The following ZFPM2 variants were observed in gnomAD, a reference collection of about 807,000 sequenced individuals.
ZFPM2 encodes the protein zinc finger protein ZFPM2.
ZFPM2 carries 20 observed loss-of-function variants against 98.6 expected under a neutral mutation model. The ratio of observed to expected loss-of-function variants is 0.20; its 90% CI spans 0.14 to 0.29. The LOEUF (loss-of-function observed/expected upper bound fraction) is 0.29, where lower values mean the gene tolerates loss of function less well. ZFPM2 is among the 10% of genes least tolerant of loss of function. The probability of loss-of-function intolerance (pLI) is 1.00; values close to 1 mark genes in which losing one functional copy is unlikely to be tolerated. For synonymous variants in ZFPM2, 518 were observed against 502.7 expected, an observed-to-expected ratio of 1.03 and a Z score of -0.41; for missense variants, 1,310 against 1,388.6, an observed-to-expected ratio of 0.94 and a Z score of 0.90.
intron 4 of ZFPM2, among the ~76,000 whole-genome samples, chr8:105,574,131 C>T (rs1005134416): frequency 3.9e-5 from 6 of 152,178 alleles, no homozygotes; most frequent in African/African-American, 1.4e-4. Flanking sequence ...CCTAAACATA[C>T]TTTAAAAAGC....
intron 5 of ZFPM2, among the ~76,000 whole-genome samples, chr8:105,730,497 A>T (rs1297714973): frequency 6.6e-6 from 1 of 151,634 alleles, no homozygotes; most frequent in African/African-American, 2.4e-5. Flanking sequence ...TACATGCACA[A>T]AGTTGTTTAC....
At chr8:105,688,243 C>G (rs757726951) in intron 5 of ZFPM2, among the ~76,000 whole-genome samples, 6 of 151,976 alleles carry the variant, frequency 3.9e-5, no homozygotes, top group Admixed American at 6.6e-5. Context: ...CTCAGGAGTT[C>G]TGATGATCTG....
chr8:105,320,066 A>G (rs1811992003), intron 1 of ZFPM2, among the ~76,000 whole-genome samples: 1 of 152,184 alleles, frequency 6.6e-6, no homozygotes, highest in Admixed American at 6.5e-5. Context: ...TTTTAAACAA[A>G]TTATGATGTA....
chr8:105,799,853 C>A (rs188075420), intron 7 of ZFPM2, among the ~76,000 whole-genome samples: 64 of 152,226 alleles, frequency 4.2e-4, no homozygotes, highest in Admixed American at 4.2e-3. Context: ...AAAATGGAAA[C>A]ACATGTTGAG....
chr8:105,659,934 C>T (rs1186557548), intron 5 of ZFPM2, among the ~76,000 whole-genome samples: 1 of 152,054 alleles, frequency 6.6e-6, no homozygotes, highest in African/African-American at 2.4e-5. Flanking sequence ...GTTAAGTAAC[C>T]ACTAGCATTC....
chr8:105,428,658 A>T (rs796680878), intron 2 of ZFPM2, among the ~76,000 whole-genome samples: 2 of 152,184 alleles, frequency 1.3e-5, no homozygotes, highest in African/African-American at 4.8e-5. Context: ...CCTTGTAGAA[A>T]TGTTTGCAAA....
At position 105,444,498 on chromosome 8, in the gene ZFPM2, T is replaced by G. The variant is rs558153553; in HGVS notation, c.301+117T>G. The G allele has an allele frequency of 2.3e-3, 1,333 of 588,396 alleles. 1 individual carries two copies. Among genetic ancestry groups the G allele is most frequent in the Non-Finnish European group, 3.4e-3 (1,180 of 347,462 alleles). The allele number at this position is 588,396 out of a possible 1,614,324, so 36.4% of individuals were successfully genotyped here. On this transcript the variant is annotated intron_variant, in intron 3 of 7. Transcript: ENST00000407775. ...AATGTTTTTGTGTGTGCTGGTTACA[T>G]GAGAGTTTAAATAAAGATTATTATT...
At chr8:105,428,178 T>C (rs1303787314) in intron 2 of ZFPM2, among the ~76,000 whole-genome samples, 1 of 152,226 alleles carries the variant, frequency 6.6e-6, no homozygotes, top group Non-Finnish European at 1.5e-5. Context: ...AGGTTAGATA[T>C]ATGAAGTATG....
chr8:105,368,312 A>G (rs1219354559), intron 1 of ZFPM2, among the ~76,000 whole-genome samples: 3 of 152,118 alleles, frequency 2.0e-5, no homozygotes. Context: ...TACCAGTACC[A>G]CAAGGAGAAT....
chr8:105,331,048 A>AGAG (rs1048268241), intron 1 of ZFPM2, among the ~76,000 whole-genome samples: 1 of 151,234 alleles, frequency 6.6e-6, no homozygotes, highest in Non-Finnish European at 1.5e-5. Flanking sequence ...TTAATATTAT[A>AGAG]GAGTATCTAA....
At chr8:105,370,448 A>G (rs1810596508) in intron 1 of ZFPM2, among the ~76,000 whole-genome samples, 1 of 152,226 alleles carries the variant, frequency 6.6e-6, no homozygotes, top group Admixed American at 6.5e-5. Flanking sequence ...GTAAAGGGAA[A>G]AACATTGAAT....
At chr8:105,386,086 A>G (rs1810982746) in intron 1 of ZFPM2, among the ~76,000 whole-genome samples, 1 of 152,186 alleles carries the variant, frequency 6.6e-6, no homozygotes, top group Admixed American at 6.5e-5. Flanking sequence ...CTGTTTTTCA[A>G]TAGGTGCTCA....
intron 3 of ZFPM2, among the ~76,000 whole-genome samples, chr8:105,553,059 C>T (rs1307743961): frequency 6.6e-6 from 1 of 152,014 alleles, no homozygotes; most frequent in African/African-American, 2.4e-5. Flanking sequence ...AATCCACCCT[C>T]CTTGGCCTCA....
At chr8:105,700,331 C>T (rs899086315) in intron 5 of ZFPM2, among the ~76,000 whole-genome samples, 4 of 152,196 alleles carry the variant, frequency 2.6e-5, no homozygotes, top group Non-Finnish European at 5.9e-5. Context: ...AGAATTATTA[C>T]ATTAGCAGAC....
chr8:105,751,228 C>A (rs890530493), intron 5 of ZFPM2, among the ~76,000 whole-genome samples: 1 of 151,920 alleles, frequency 6.6e-6, no homozygotes, highest in Non-Finnish European at 1.5e-5. Context: ...GTAGGAAATT[C>A]AAAATGGATT....
At position 105,699,779 on chromosome 8, in the gene ZFPM2, T is replaced by G. The variant is rs1389406757; in HGVS notation, c.532+65422T>G. ...TTAATTTGATTACATTGAAAAAAAT[T>G]AATCTAAACTAGCTACACAAAGTCA... On this transcript the variant is annotated intron_variant, in intron 5 of 7. Transcript: ENST00000407775. Among the ~76,000 whole-genome samples the G allele has an allele frequency of 2.6e-5, 4 of 152,080 alleles. No homozygotes were observed. The East Asian group carries it at 7.7e-4, about 29-fold the overall frequency.
In ZFPM2 at chr8:105,483,611, C is replaced by T. The variant is rs184803220; in HGVS notation, c.301+39230C>T. ...TCTCAAAAAAAAAAAAAAATGTTTA[C>T]GTTCAGTTGATTTCTCATAGATCTT... On this transcript the variant is annotated intron_variant, in intron 3 of 7. Coordinates refer to ENST00000407775, the MANE Select transcript of ZFPM2 (RefSeq NM_012082.4). Among the ~76,000 whole-genome samples the T allele has an allele frequency of 7.3e-4, 110 of 151,292 alleles. 1 individual carries two copies. The highest frequency in any genetic ancestry group is 2.5e-3 in the African/African-American group (102 of 41,274).
intron 5 of ZFPM2, among the ~76,000 whole-genome samples, chr8:105,768,822 T>C (rs1181276763): frequency 6.7e-6 from 1 of 150,094 alleles, no homozygotes; most frequent in African/African-American, 2.4e-5. Context: ...AACAAATACA[T>C]ACACACACAC....
chr8:105,402,672 G>A (rs1227844817), intron 1 of ZFPM2, among the ~76,000 whole-genome samples: 6 of 151,860 alleles, frequency 4.0e-5, no homozygotes, highest in Non-Finnish European at 5.9e-5. Context: ...GTCCCAACAA[G>A]CATTTAGACT....
Sources: gnomAD v4.1 joint callset for allele counts (sites outside exome capture counted in the v4.1 genomes callset) on GRCh38, gnomAD v4.1.1 for gene constraint, MANE v1.5 for transcripts, NCBI Gene and HGNC (gene_info 2026-07-23, HGNC 2026-07-21) for gene names.